The following MYOM1 variants were observed in gnomAD, a reference collection of about 807,000 sequenced individuals.
MYOM1 encodes the protein myomesin 1.
In MYOM1, 164 loss-of-function variants were observed where a neutral mutation model predicts 205.3. The observed-to-expected ratio is 0.80, with a 90% CI of 0.70 to 0.91. The LOEUF (loss-of-function observed/expected upper bound fraction) is 0.91, where lower values mean the gene tolerates loss of function less well. MYOM1 is among the 40% of genes least tolerant of loss of function. The probability of loss-of-function intolerance (pLI) is 0.00; values close to 1 mark genes in which losing one functional copy is unlikely to be tolerated. For synonymous variants in MYOM1, 772 were observed against 789.4 expected (o/e 0.98, Z 0.37); for missense variants, 2,011 against 2,127.3 (o/e 0.95, Z 1.08).
chr18:3,083,409 T>C (rs1567895909), intron 33 of MYOM1, among the ~76,000 whole-genome samples: 1 of 128,828 alleles, frequency 7.8e-6, no homozygotes, highest in African/African-American at 3.7e-5. Context: ...CTTTCTTTTC[T>C]TTTTTCTTTT....
intron 18 of MYOM1, among the ~76,000 whole-genome samples, chr18:3,128,084 A>G (rs1003122222): frequency 1.3e-5 from 2 of 152,256 alleles, no homozygotes; most frequent in African/African-American, 4.8e-5. Flanking sequence ...GGATTATAGG[A>G]GATAAAGAAA....
chr18:3,145,584 TA>T (rs565906626), intron 13 of MYOM1, among the ~76,000 whole-genome samples: 89 of 151,954 alleles, frequency 5.9e-4, no homozygotes, highest in Non-Finnish European at 1.0e-3. Flanking sequence ...TTGCACAAAA[TA>T]AAAATGAAAA....
At chr18:3,131,798 T>G (rs1404624659) in intron 16 of MYOM1, among the ~76,000 whole-genome samples, 5 of 151,954 alleles carry the variant, frequency 3.3e-5, no homozygotes, top group African/African-American at 1.2e-4. Flanking sequence ...AGGTAATATA[T>G]ATACTTTAGA....
intron 2 of MYOM1, among the ~76,000 whole-genome samples, chr18:3,194,742 A>G (rs898275454): frequency 6.6e-6 from 1 of 152,084 alleles, no homozygotes; most frequent in Admixed American, 6.6e-5. Context: ...ACAAACATAA[A>G]CAATTTGGCA....
At chr18:3,101,879 A>G (rs1335694146) in intron 23 of MYOM1, among the ~76,000 whole-genome samples, 1 of 151,156 alleles carries the variant, frequency 6.6e-6, no homozygotes, top group African/African-American at 2.4e-5. Context: ...AGAGTCAGGG[A>G]CTCACTATGT....
At chr18:3,140,683 C>T (rs1318934519) in intron 14 of MYOM1, among the ~76,000 whole-genome samples, 2 of 152,186 alleles carry the variant, frequency 1.3e-5, no homozygotes, top group Admixed American at 1.3e-4. Flanking sequence ...AATGTATTCT[C>T]TTGCAATAAT....
intron 26 of MYOM1, among the ~76,000 whole-genome samples, chr18:3,093,371 G>A (rs186981655): frequency 3.9e-5 from 6 of 152,216 alleles, no homozygotes; most frequent in African/African-American, 1.4e-4. Flanking sequence ...ACTGACATCT[G>A]TGGGGAGGAC....
intron 9 of MYOM1, 69 bp downstream of exon 9, chr18:3,168,748 A>C: frequency 1.3e-6 from 2 of 1,538,200 alleles, no homozygotes; most frequent in Non-Finnish European, 8.9e-7. Context: ...AGCTCCGATA[A>C]ACAGATCTGC....
chr18:3,198,587 C>T (rs990912743), intron 2 of MYOM1, among the ~76,000 whole-genome samples: 1 of 152,062 alleles, frequency 6.6e-6, no homozygotes, highest in Non-Finnish European at 1.5e-5. Context: ...AGTTCACGAC[C>T]AGCCTGGCCA....
At chr18:3,234,679 C>T in the MYOM1 span, among the ~76,000 whole-genome samples, 162 of 152,234 alleles carry the variant, frequency 1.1e-3, 5 homozygotes, top group East Asian at 0.028. Flanking sequence ...TCAGCTTGCA[C>T]GGTTGCTACA....
intron 5 of MYOM1, among the ~76,000 whole-genome samples, chr18:3,182,526 A>T (rs1275535372): frequency 6.6e-6 from 1 of 152,212 alleles, no homozygotes; most frequent in African/African-American, 2.4e-5. Flanking sequence ...TTAAAATCTG[A>T]CTAGGTAATA....
chr18:3,156,608 C>CTT (rs879296741), intron 10 of MYOM1, among the ~76,000 whole-genome samples: 10 of 140,874 alleles, frequency 7.1e-5, no homozygotes, highest in African/African-American at 1.0e-4. Context: ...ACACTTCTTT[C>CTT]TTTTTTTTTT....
chr18:3,244,927 A>T, the MYOM1 span, among the ~76,000 whole-genome samples: 1 of 151,162 alleles, frequency 6.6e-6, no homozygotes, highest in Non-Finnish European at 1.5e-5. Flanking sequence ...AAGTAAAAAA[A>T]TAAAAATACA....
chr18:3,125,403 T>C (rs2079764210), intron 19 of MYOM1, among the ~76,000 whole-genome samples: 2 of 152,242 alleles, frequency 1.3e-5, no homozygotes, highest in Admixed American at 6.5e-5. Flanking sequence ...TACCATACCA[T>C]ATAGCAATGA....
intron 34 of MYOM1, among the ~76,000 whole-genome samples, chr18:3,078,102 C>T (rs141290958): frequency 0.022 from 3,324 of 150,712 alleles, 120 homozygotes; most frequent in African/African-American, 0.076. Context: ...AGTACAGTGG[C>T]GTGATCTCAA....
In MYOM1 at chr18:3,111,803, G is replaced by A. The variant is rs570562649; in HGVS notation, c.3418+495C>T. On this transcript the variant is annotated intron_variant, in intron 22 of 37. Coordinates refer to ENST00000356443, the MANE Select transcript of MYOM1 (RefSeq NM_003803.4). ...TAAGAAGTTGTGACAGAGACCACAG[G>A]GCTGTTGAGTGATAAATATTATCTG... is the stretch of plus-strand genomic sequence containing the variant. Among the ~76,000 whole-genome samples, 25 of 152,248 alleles carry A rather than the reference G, an allele frequency of 1.6e-4. No individual in the cohort carries two copies. In the East Asian group the frequency reaches 2.5e-3, roughly 15 times the overall value.
At chr18:3,153,599 T>A (rs1391343785) in intron 11 of MYOM1, among the ~76,000 whole-genome samples, 2 of 152,172 alleles carry the variant, frequency 1.3e-5, no homozygotes. Context: ...AGAATATATC[T>A]AAACCTTCAC....
rs774931774 is a variant in MYOM1, at chr18:3,126,772, C to T, written c.2920G>A (p.Glu974Lys). The T allele has an allele frequency of 3.4e-5, 55 of 1,613,742 alleles. No individual in the cohort carries two copies. The Middle Eastern group carries it at 6.6e-4, about 19-fold the overall frequency. ...EITGYYVNYR[E>K]VIDGVPGKWR... is the part of the protein sequence containing the mutation. ...TTTCCTGGTACCCCATCAATGACCT[C>T]GCGATAGTTCACATAATAGCCAGTA... The change falls in exon 19 of 38, where the codon GAG becomes AAG. Residue 974 changes from glutamate to lysine, a missense_variant. Glu to Lys is a moderately conservative substitution (Grantham distance 56). Coordinates refer to ENST00000356443, the MANE Select transcript of MYOM1 (RefSeq NM_003803.4).
chr18:3,195,210 C>A (rs993330935), intron 2 of MYOM1, among the ~76,000 whole-genome samples: 4 of 152,204 alleles, frequency 2.6e-5, no homozygotes, highest in African/African-American at 9.6e-5. Context: ...GCAGCGGCCC[C>A]TTGAATCCTC....
Sources: allele counts gnomAD v4.1 joint callset (sites outside exome capture counted in the v4.1 genomes callset), GRCh38; gene constraint gnomAD v4.1.1; transcripts MANE v1.5; gene names NCBI Gene and HGNC (gene_info 2026-07-23, HGNC 2026-07-21).